The following LRP5 variants were observed in gnomAD, a reference collection of about 807,000 sequenced individuals.
LRP5 encodes LDL receptor related protein 5.
In LRP5, 62 loss-of-function variants were observed where a neutral mutation model predicts 154.1. The observed-to-expected ratio is 0.40, with a 90% CI of 0.33 to 0.50. The LOEUF is 0.50. Ranked by LOEUF, LRP5 falls within the 20% of genes least tolerant of loss-of-function variation. LRP5 has a pLI of 0.55. For missense variants in LRP5, 1,915 were observed against 2,336.7 expected (o/e 0.82, Z 3.72); for synonymous variants, 966 against 1,011.5 (o/e 0.96, Z 0.85).
Position 68,429,582 on chromosome 11 carries a change from C to A in LRP5, c.3645C>A (p.His1215Gln). Residue 1215 changes from histidine to glutamine, a missense_variant, in exon 17 of 23, where the codon CAC (histidine) becomes CAA (glutamine). Transcript: ENST00000294304. The part of the protein sequence containing the change: ...EEVSLEEFSA[H>Q]PCARDNGGCS... Reference sequence around the variant, plus strand: ...CTTGTTTTGTCTTTGCAGCAGCCCACCCATGTGCCCGTGACAATGGTGGCT... The same window carrying A: ...CTTGTTTTGTCTTTGCAGCAGCCCAACCATGTGCCCGTGACAATGGTGGCT... 1 of 1,614,172 alleles carries A rather than the reference C, an allele frequency of 6.2e-7. No individual in the cohort carries two copies. Among genetic ancestry groups the A allele is most frequent in the Non-Finnish European group, 8.5e-7 (1 of 1,180,046 alleles).
Position 68,357,830 on chromosome 11 carries a change from C to A in LRP5, c.669C>A (p.Asn223Lys), listed in dbSNP as rs1487583044. The part of the protein sequence containing the change: ...DAKLSFIHRA[N>K]LDGSFRQKVV... ...AGCTCAGCTTCATCCACCGTGCCAA[C>A]CTGGACGGCTCGTTCCGGTAGGTAC... Residue 223 changes from asparagine to lysine, a missense_variant, in exon 3 of 23, where the codon AAC becomes AAA. This residue lies in a region of LRP5 where 773 missense variants were observed against 1,100.9 expected (regional missense o/e 0.70). Transcript: ENST00000294304. The A allele has an allele frequency of 1.2e-6, 2 of 1,613,050 alleles. No individual in the cohort carries two copies. Among genetic ancestry groups the A allele is most frequent in the East Asian group, 2.2e-5 (1 of 44,830 alleles).
intron 7 of LRP5, among the ~76,000 whole-genome samples, chr11:68,392,180 C>G (rs1273278379): frequency 6.6e-6 from 1 of 152,100 alleles, no homozygotes; most frequent in African/African-American, 2.4e-5. Flanking sequence ...ATAAACATAG[C>G]ACAAAATTGA....
chr11:68,402,251 T>A (rs945441180), intron 7 of LRP5, among the ~76,000 whole-genome samples: 1 of 152,212 alleles, frequency 6.6e-6, no homozygotes, highest in African/African-American at 2.4e-5. Context: ...AACATACAGT[T>A]CTGCAGGCTC....
At chr11:68,355,988 C>T (rs866567676) in intron 2 of LRP5, among the ~76,000 whole-genome samples, 16 of 151,686 alleles carry the variant, frequency 1.1e-4, no homozygotes, top group African/African-American at 2.7e-4. Context: ...TACAGGTGTC[C>T]GCCACCATGC....
chr11:68,439,803 A>T lies in LRP5; in HGVS notation c.4375A>T (p.Ser1459Cys). The change falls in exon 21 of 23, where the codon AGC becomes TGC. Residue 1459 changes from serine (S) to cysteine (C), a missense_variant. Around this residue, in one of 3 missense-constraint regions of LRP5, gnomAD observed 1,094 missense variants for 1,210.1 expected, o/e 0.90. Transcript: ENST00000294304. The stretch of plus-strand genomic sequence containing the variant: ...CATCGCATGCGGAAAGTCCATGATG[A>T]GCTCCGTGAGCCTGATGGGGGGCCG... ...TGIACGKSMM[S>C]SVSLMGGRGG... The T allele has an allele frequency of 6.2e-7, 1 of 1,611,726 alleles. No individual in the cohort carries two copies. The highest frequency in any genetic ancestry group is 8.5e-7 in the Non-Finnish European group (1 of 1,179,650).
chr11:68,402,765 C>T (rs943575472), intron 7 of LRP5, among the ~76,000 whole-genome samples: 3 of 152,232 alleles, frequency 2.0e-5, no homozygotes, highest in Non-Finnish European at 2.9e-5. Context: ...CTCCTTCCTG[C>T]GGAGCACGCC....
chr11:68,349,848 G>A (rs750582992), intron 2 of LRP5, among the ~76,000 whole-genome samples: 2 of 152,128 alleles, frequency 1.3e-5, no homozygotes, highest in East Asian at 1.9e-4. Flanking sequence ...TCTGGGGGCC[G>A]TACACACACC....
intron 3 of LRP5, among the ~76,000 whole-genome samples, chr11:68,358,825 G>A (rs141091076): frequency 2.6e-4 from 39 of 152,334 alleles, no homozygotes; most frequent in Admixed American, 9.8e-4. Context: ...CTAACCAAGT[G>A]CTGCCTGCTG....
At chr11:68,436,505 A>G (rs1352008548) in intron 18 of LRP5, among the ~76,000 whole-genome samples, 1 of 143,226 alleles carries the variant, frequency 7.0e-6, no homozygotes. Flanking sequence ...CACAGCCCCC[A>G]CTCTCGGGAG....
intron 3 of LRP5, among the ~76,000 whole-genome samples, chr11:68,361,236 T>TG (rs1177945064): frequency 1.7e-5 from 2 of 117,808 alleles, no homozygotes; most frequent in African/African-American, 6.3e-5. Flanking sequence ...ACCTGGGAGG[T>TG]GGAGCTTGCA....
chr11:68,419,393 T>C (rs1034942911), intron 13 of LRP5, among the ~76,000 whole-genome samples: 44 of 151,636 alleles, frequency 2.9e-4, no homozygotes, highest in African/African-American at 1.0e-3. Flanking sequence ...CTACCACATC[T>C]GGCTGATTTT....
At chr11:68,350,682 C>T (rs1004116655) in intron 2 of LRP5, among the ~76,000 whole-genome samples, 4 of 152,258 alleles carry the variant, frequency 2.6e-5, no homozygotes, top group Admixed American at 2.6e-4. Context: ...GAGGGTCTGT[C>T]CTCACCAAGG....
chr11:68,348,580 C>T (rs999718490), intron 2 of LRP5, among the ~76,000 whole-genome samples: 1 of 140,754 alleles, frequency 7.1e-6, no homozygotes, highest in Non-Finnish European at 1.5e-5. Context: ...CCCCAGCACT[C>T]GGTGTCACTC....
At chr11:68,421,828 G>A (rs982257216) in intron 13 of LRP5, among the ~76,000 whole-genome samples, 26 of 151,160 alleles carry the variant, frequency 1.7e-4, no homozygotes, top group Non-Finnish European at 3.2e-4. Context: ...TGTGTGTGGT[G>A]TGTGGTGTGT....
chr11:68,331,531 G>A (rs1391565636), intron 1 of LRP5, among the ~76,000 whole-genome samples: 4 of 152,240 alleles, frequency 2.6e-5, no homozygotes, highest in Non-Finnish European at 4.4e-5. Flanking sequence ...GGGAAGACCC[G>A]GAGGCGCCTG....
intron 8 of LRP5, among the ~76,000 whole-genome samples, chr11:68,404,793 A>AC (rs1261301492): frequency 6.6e-6 from 1 of 151,664 alleles, no homozygotes; most frequent in Non-Finnish European, 1.5e-5. Context: ...ACAAGGTGAA[A>AC]CCCCGTCTCT....
intron 10 of LRP5, among the ~76,000 whole-genome samples, chr11:68,410,816 T>C (rs1028517886): frequency 6.6e-6 from 1 of 152,152 alleles, no homozygotes; most frequent in Non-Finnish European, 1.5e-5. Flanking sequence ...CTGTGATGTG[T>C]GCAGCAGCCC....
Position 68,436,963 on chromosome 11 carries a change from C to T in LRP5, c.4075C>T (p.Pro1359Ser). The change falls in exon 19 of 23, where the codon CCC (proline) becomes TCC (serine). Residue 1359 changes from proline to serine, a missense_variant. Pro to Ser is a moderately conservative substitution (Grantham distance 74, BLOSUM62 -1). Coordinates refer to ENST00000294304, the MANE Select transcript of LRP5 (RefSeq NM_002335.4). ...VLIKQQCDSF[P>S]DCIDGSDELM... The stretch of plus-strand genomic sequence containing the variant: ...CATCAAACAGCAGTGCGACTCCTTC[C>T]CCGACTGTATCGACGGCTCCGACGA... 2 of 1,613,908 alleles carry T rather than the reference C, an allele frequency of 1.2e-6. No homozygotes were observed. The highest frequency in any genetic ancestry group is 1.3e-5 in the African/African-American group (1 of 75,070).
chr11:68,439,774 C>CA lies in LRP5; in HGVS notation c.4349-2dup. On this transcript the variant is annotated splice_polypyrimidine_tract_variant and splice_region_variant and intron_variant, in intron 20 of 22. Coordinates refer to ENST00000294304, the MANE Select transcript of LRP5 (RefSeq NM_002335.4). ...CTGACCTCCCCCGTCCCTTCCCTGC[C>CA]AGGCATCGCATGCGGAAAGTCCATG... 6.2e-7 allele frequency: 1 copy of CA among 1,610,240 alleles called. No homozygotes were observed. The highest frequency in any genetic ancestry group is 8.5e-7 in the Non-Finnish European group (1 of 1,179,018).
Sources: allele counts gnomAD v4.1 joint callset (sites outside exome capture counted in the v4.1 genomes callset), GRCh38; gene constraint gnomAD v4.1.1; regional missense constraint gnomAD v4.1.1; transcripts MANE v1.5; gene names NCBI Gene and HGNC (gene_info 2026-07-23, HGNC 2026-07-21).